The following CTNNA3 variants were observed in gnomAD, a reference collection of about 807,000 sequenced individuals.
The protein encoded by CTNNA3 is catenin alpha 3, also known as catenin alpha-3.
A neutral mutation model predicts 95.7 loss-of-function variants in CTNNA3; 76 were observed. The observed-to-expected ratio is 0.79, with a 90% CI of 0.66 to 0.96. The LOEUF (loss-of-function observed/expected upper bound fraction) is 0.96, where lower values mean the gene tolerates loss of function less well. Among genes scored for constraint, CTNNA3 ranks in the 40% least tolerant of loss-of-function variants. CTNNA3 has a pLI of 0.00. For synonymous variants in CTNNA3, 431 were observed against 374.4 expected (o/e 1.15, Z -1.74); for missense variants, 1,191 against 1,089.8 (o/e 1.09, Z -1.31).
At position 67,578,996 on chromosome 10, in the gene CTNNA3, GATATATATATATATATAT is replaced by G. The variant is rs533690910; in HGVS notation, c.292+27843_292+27860del. 1.1e-3 allele frequency among the ~76,000 whole-genome samples: 95 copies of G among 87,212 alleles called. 4 individuals carry two copies. The highest frequency in any genetic ancestry group is 2.1e-3 in the Admixed American group (17 of 8,036). 57.2% of individuals were successfully genotyped at this position (87,212 alleles called of 152,430 possible). On this transcript the variant is annotated intron_variant, in intron 3 of 17. Coordinates refer to ENST00000433211, the MANE Select transcript of CTNNA3 (RefSeq NM_013266.4). The stretch of plus-strand genomic sequence containing the variant: ...GATATAAAACCCACCTGATCATAGT[GATATATATATATATATAT>G]ATATATATATATATATATACACACA...
chr10:67,575,517 C>T (rs778808926), intron 3 of CTNNA3, among the ~76,000 whole-genome samples: 1 of 152,146 alleles, frequency 6.6e-6, no homozygotes, highest in African/African-American at 2.4e-5. Context: ...TGGGGTTAAG[C>T]GTTGAGCTGT....
chr10:66,035,976 T>G (rs1264159890), intron 15 of CTNNA3, among the ~76,000 whole-genome samples: 1 of 152,136 alleles, frequency 6.6e-6, no homozygotes, highest in Admixed American at 6.5e-5. Context: ...TATATACCCA[T>G]TTACTCTTAT....
chr10:66,040,690 T>C (rs1448634441), intron 15 of CTNNA3, among the ~76,000 whole-genome samples: 2 of 151,998 alleles, frequency 1.3e-5, no homozygotes, highest in Non-Finnish European at 2.9e-5. Flanking sequence ...ACACATGGAC[T>C]TATAGAGGGG....
intron 7 of CTNNA3, among the ~76,000 whole-genome samples, chr10:66,897,998 A>G (rs1845569716): frequency 6.6e-6 from 1 of 152,190 alleles, no homozygotes; most frequent in African/African-American, 2.4e-5. Flanking sequence ...TCCTACCAGA[A>G]AGTGAAAATG....
At chr10:66,367,882 T>TTAA (rs1554946621) in intron 12 of CTNNA3, among the ~76,000 whole-genome samples, 25 of 12,094 alleles carry the variant, frequency 2.1e-3, no homozygotes, top group African/African-American at 6.7e-3. Context: ...ATAATAATAA[T>TTAA]TATTATTATT....
At chr10:66,677,014 T>C (rs2132488591) in intron 9 of CTNNA3, among the ~76,000 whole-genome samples, 1 of 152,236 alleles carries the variant, frequency 6.6e-6, no homozygotes, top group East Asian at 1.9e-4. Flanking sequence ...AATGGGGTAT[T>C]TGGAAGTAGG....
At chr10:66,702,763 A>AGT (rs1329201084) in intron 9 of CTNNA3, among the ~76,000 whole-genome samples, 3 of 148,090 alleles carry the variant, frequency 2.0e-5, no homozygotes, top group Admixed American at 2.0e-4. Flanking sequence ...TAGTAGTAGT[A>AGT]GCCATCGTCG....
chr10:67,335,160 C>T (rs1841948664), intron 5 of CTNNA3, among the ~76,000 whole-genome samples: 2 of 152,060 alleles, frequency 1.3e-5, no homozygotes, highest in African/African-American at 4.8e-5. Flanking sequence ...AGTTTCCTCC[C>T]GTATCCCAAA....
At chr10:67,301,935 C>G (rs1840299306) in intron 5 of CTNNA3, among the ~76,000 whole-genome samples, 1 of 149,216 alleles carries the variant, frequency 6.7e-6, no homozygotes, top group Non-Finnish European at 1.5e-5. Context: ...CGCCACTGCA[C>G]CCCAGCCTGG....
intron 13 of CTNNA3, among the ~76,000 whole-genome samples, chr10:66,113,914 C>T (rs2082212909): frequency 6.6e-6 from 1 of 152,016 alleles, no homozygotes; most frequent in Non-Finnish European, 1.5e-5. Context: ...AATACCATTA[C>T]TCTTCTTGAT....
At chr10:66,607,932 T>C (rs188217835) in intron 10 of CTNNA3, among the ~76,000 whole-genome samples, 16 of 152,208 alleles carry the variant, frequency 1.1e-4, no homozygotes, top group African/African-American at 3.1e-4. Flanking sequence ...TAACATAGTA[T>C]TGGAAGTCCT....
chr10:66,140,234 A>C (rs1448182402), intron 13 of CTNNA3, among the ~76,000 whole-genome samples: 2 of 152,196 alleles, frequency 1.3e-5, no homozygotes, highest in Non-Finnish European at 2.9e-5. Context: ...AGAGAACCAG[A>C]GGAAATGCAA....
chr10:66,408,623 A>C (rs1249521419), intron 11 of CTNNA3, among the ~76,000 whole-genome samples: 2 of 152,204 alleles, frequency 1.3e-5, no homozygotes, highest in African/African-American at 4.8e-5. Flanking sequence ...TCTTCCTGAT[A>C]TATAAATATT....
At chr10:66,378,772 G>T (rs1316586411) in intron 12 of CTNNA3, among the ~76,000 whole-genome samples, 1 of 152,150 alleles carries the variant, frequency 6.6e-6, no homozygotes, top group Non-Finnish European at 1.5e-5. Context: ...CTGTGTTTAA[G>T]TAATGTAAAC....
rs1173098487 is a variant in CTNNA3 at position 65,915,559 on chromosome 10, C to T, written c.*4771G>A. ...AATATCAATCCATGTGTTTTGTTCCCACAAACCAGTGGGGACTGCTAGATG... is the reference window on the plus strand; with the variant it reads ...AATATCAATCCATGTGTTTTGTTCCTACAAACCAGTGGGGACTGCTAGATG... On this transcript the variant is annotated 3_prime_UTR_variant, in exon 18 of 18. Coordinates refer to ENST00000433211, the MANE Select transcript of CTNNA3 (RefSeq NM_013266.4). 1 of 152,112 alleles carries T rather than the reference C, an allele frequency of 6.6e-6. No homozygotes were observed. The highest frequency in any genetic ancestry group is 1.5e-5 in the Non-Finnish European group (1 of 68,036). 9.4% of individuals were successfully genotyped at this position (152,112 alleles called of 1,614,324 possible).
intron 11 of CTNNA3, among the ~76,000 whole-genome samples, chr10:66,461,499 T>G (rs1375887723): frequency 1.3e-5 from 2 of 151,958 alleles, no homozygotes; most frequent in Non-Finnish European, 2.9e-5. Context: ...AACTGATGAG[T>G]AGAAGAGGAC....
chr10:66,518,359 G>T (rs1477967332), intron 11 of CTNNA3, among the ~76,000 whole-genome samples: 2 of 152,014 alleles, frequency 1.3e-5, no homozygotes, highest in Non-Finnish European at 2.9e-5. Context: ...CTCCCTATGT[G>T]CTGTCAGTAT....
chr10:67,044,267 T>C (rs1377526021), intron 7 of CTNNA3, among the ~76,000 whole-genome samples: 2 of 152,180 alleles, frequency 1.3e-5, no homozygotes, highest in Non-Finnish European at 2.9e-5. Flanking sequence ...CAATTGATTA[T>C]AGCCTAATCC....
intron 12 of CTNNA3, among the ~76,000 whole-genome samples, chr10:66,359,450 G>T (rs2092636641): frequency 6.6e-6 from 1 of 152,022 alleles, no homozygotes; most frequent in African/African-American, 2.4e-5. Context: ...TAATTATCTA[G>T]GAATATCAGG....
Sources: gnomAD v4.1 joint callset for allele counts (sites outside exome capture counted in the v4.1 genomes callset) on GRCh38, gnomAD v4.1.1 for gene constraint, MANE v1.5 for transcripts, NCBI Gene and HGNC (gene_info 2026-07-23, HGNC 2026-07-21) for gene names.